Variants in MCTP1 observed in about 807,000 individuals in gnomAD.
MCTP1 encodes multiple C2 and transmembrane domain-containing protein 1.
MCTP1 carries 69 observed loss-of-function variants against 120.6 expected under a neutral mutation model. The observed-to-expected ratio is 0.57, with a 90% CI of 0.47 to 0.70. The LOEUF (loss-of-function observed/expected upper bound fraction) is 0.70, where lower values mean the gene tolerates loss of function less well. MCTP1 is among the 30% of genes least tolerant of loss of function. MCTP1 has a pLI of 0.00. For synonymous variants in MCTP1, 529 were observed against 493.1 expected, an observed-to-expected ratio of 1.07 and a Z score of -0.96; for missense variants, 1,203 against 1,248.8, an observed-to-expected ratio of 0.96 and a Z score of 0.55.
chr5:95,114,605 G>T (rs1757686423), intron 1 of MCTP1, among the ~76,000 whole-genome samples: 2 of 152,216 alleles, frequency 1.3e-5, no homozygotes, highest in South Asian at 2.1e-4. Flanking sequence ...GGGACTGCGT[G>T]TTGTTGTTTG....
At position 94,925,646 on chromosome 5, in the gene MCTP1, T is replaced by G. The variant is rs1314419438; in HGVS notation, c.1213-1625A>C. ...GAATGGTCTCAATCTCCTGACCTCG[T>G]GATCCGCCCGCCTAGGCCTGCCAAA... On this transcript the variant is annotated intron_variant, in intron 6 of 22. Transcript: ENST00000515393. Among the ~76,000 whole-genome samples the G allele has an allele frequency of 2.0e-5, 3 of 152,306 alleles. No homozygotes were observed. The East Asian group carries it at 5.8e-4, about 29-fold the overall frequency.
intron 1 of MCTP1, among the ~76,000 whole-genome samples, chr5:95,041,856 C>T (rs1012724549): frequency 7.2e-5 from 11 of 152,166 alleles, no homozygotes; most frequent in African/African-American, 1.4e-4. Flanking sequence ...GATTAACATA[C>T]ACTTCTTCAT....
chr5:94,947,571 TATATATAG>T (rs1297658245), intron 3 of MCTP1, among the ~76,000 whole-genome samples: 8 of 50,174 alleles, frequency 1.6e-4, no homozygotes, highest in African/African-American at 2.8e-4. Context: ...TATATATATA[TATATATAG>T]AGAGAGAGAG....
intron 17 of MCTP1, among the ~76,000 whole-genome samples, chr5:94,808,498 T>C (rs1417757999): frequency 1.3e-5 from 2 of 152,174 alleles, no homozygotes; most frequent in Non-Finnish European, 2.9e-5. Flanking sequence ...ACAGGGAGCA[T>C]TAATATGCTC....
At chr5:95,263,677 G>A (rs1273493002) in intron 1 of MCTP1, among the ~76,000 whole-genome samples, 1 of 152,196 alleles carries the variant, frequency 6.6e-6, no homozygotes. Flanking sequence ...ACGACTATCA[G>A]AAGTGATGGA....
At chr5:94,717,326 C>CT (rs1759720737) in intron 19 of MCTP1, among the ~76,000 whole-genome samples, 1 of 152,082 alleles carries the variant, frequency 6.6e-6, no homozygotes, top group African/African-American at 2.4e-5. Context: ...TTCAACATCC[C>CT]TTCAAGTTAA....
chr5:94,829,558 G>A (rs952505565), intron 17 of MCTP1, among the ~76,000 whole-genome samples: 13 of 152,088 alleles, frequency 8.5e-5, no homozygotes, highest in Non-Finnish European at 1.6e-4. Context: ...ATCACTATGC[G>A]TGTCTCTCTT....
chr5:94,883,271 T>C (rs1236136278), intron 12 of MCTP1, among the ~76,000 whole-genome samples: 1 of 152,214 alleles, frequency 6.6e-6, no homozygotes, highest in Admixed American at 6.5e-5. Context: ...TGTATATTTC[T>C]GATGCATTAT....
intron 2 of MCTP1, among the ~76,000 whole-genome samples, chr5:94,966,165 A>G (rs1234853532): frequency 6.6e-6 from 1 of 152,190 alleles, no homozygotes; most frequent in Non-Finnish European, 1.5e-5. Flanking sequence ...TGCCCAAAAT[A>G]TCGTAACAAT....
intron 10 of MCTP1, among the ~76,000 whole-genome samples, chr5:94,903,240 T>G (rs1805980226): frequency 6.6e-6 from 1 of 152,232 alleles, no homozygotes; most frequent in South Asian, 2.1e-4. Context: ...AGATTAATAA[T>G]GCAGTAGGAT....
At chr5:94,988,112 T>C (rs1830744339) in intron 2 of MCTP1, among the ~76,000 whole-genome samples, 1 of 152,330 alleles carries the variant, frequency 6.6e-6, no homozygotes. Flanking sequence ...AGGCTAGTGA[T>C]ATGTCTTTAT....
intron 1 of MCTP1, among the ~76,000 whole-genome samples, chr5:95,240,986 A>G (rs1046547902): frequency 6.6e-6 from 1 of 152,076 alleles, no homozygotes; most frequent in African/African-American, 2.4e-5. Context: ...CTAGTAGGAT[A>G]TTTTATACTA....
At chr5:95,003,042 T>A (rs1834026620) in intron 2 of MCTP1, among the ~76,000 whole-genome samples, 1 of 152,160 alleles carries the variant, frequency 6.6e-6, no homozygotes, top group Admixed American at 6.5e-5. Flanking sequence ...TTTATAAGCA[T>A]CTGACATTTC....
intron 17 of MCTP1, among the ~76,000 whole-genome samples, chr5:94,819,621 A>T (rs1184766009): frequency 6.6e-6 from 1 of 152,196 alleles, no homozygotes; most frequent in Non-Finnish European, 1.5e-5. Flanking sequence ...CAATAGGTCC[A>T]ATGTGGCCAT....
At chr5:95,231,543 G>T (rs1754945501) in intron 1 of MCTP1, among the ~76,000 whole-genome samples, 1 of 152,090 alleles carries the variant, frequency 6.6e-6, no homozygotes, top group Admixed American at 6.5e-5. Context: ...TACAAAGTAG[G>T]CCCTACATTT....
chr5:95,201,497 T>G (rs1751040582), intron 1 of MCTP1, among the ~76,000 whole-genome samples: 3 of 52,978 alleles, frequency 5.7e-5, no homozygotes, highest in African/African-American at 2.0e-4. Flanking sequence ...TTTTTTTTTT[T>G]TTTTTTTTTT....
At chr5:95,118,274 T>G (rs995939684) in intron 1 of MCTP1, among the ~76,000 whole-genome samples, 1 of 152,176 alleles carries the variant, frequency 6.6e-6, no homozygotes, top group Non-Finnish European at 1.5e-5. Flanking sequence ...TTTTATTAGT[T>G]TTCTTTTTGT....
At chr5:94,808,181 A>G (rs1004025759) in intron 17 of MCTP1, among the ~76,000 whole-genome samples, 1 of 152,202 alleles carries the variant, frequency 6.6e-6, no homozygotes, top group Non-Finnish European at 1.5e-5. Flanking sequence ...GCCTTGATTT[A>G]AATAGCCAGA....
intron 19 of MCTP1, among the ~76,000 whole-genome samples, chr5:94,771,891 T>A (rs1446144800): frequency 6.6e-6 from 1 of 152,196 alleles, no homozygotes; most frequent in Non-Finnish European, 1.5e-5. Context: ...GGGCTAAAAA[T>A]GAAGGTGTAG....
Sources: gnomAD v4.1 joint callset for allele counts (sites outside exome capture counted in the v4.1 genomes callset) on GRCh38, gnomAD v4.1.1 for gene constraint, MANE v1.5 for transcripts, NCBI Gene and HGNC (gene_info 2026-07-23, HGNC 2026-07-21) for gene names.